Variants in KLHL14 observed in about 807,000 individuals in gnomAD.
The protein encoded by KLHL14 is kelch like family member 14.
A neutral mutation model predicts 64.3 loss-of-function variants in KLHL14; 22 were observed. That is an observed-to-expected ratio of 0.34 (90% CI 0.24 to 0.49). KLHL14 has a LOEUF of 0.49. KLHL14 is among the 20% of genes least tolerant of loss of function. KLHL14 has a pLI of 0.99. For synonymous variants in KLHL14, 322 were observed against 333.4 expected, an observed-to-expected ratio of 0.97 and a Z score of 0.37; for missense variants, 661 against 789.0, an observed-to-expected ratio of 0.84 and a Z score of 1.94.
In KLHL14 at chr18:32,673,237, T is replaced by C. The variant is rs2049794254; in HGVS notation, c.*1420A>G. 1 of 152,616 alleles carries C rather than the reference T, an allele frequency of 6.6e-6. No homozygotes were observed. The highest frequency in any genetic ancestry group is 2.4e-5 in the African/African-American group (1 of 41,454). The allele number at this position is 152,616 out of a possible 1,614,324, so 9.5% of individuals were successfully genotyped here. On this transcript the variant is annotated 3_prime_UTR_variant, in exon 9 of 9. Transcript: ENST00000359358. The stretch of plus-strand genomic sequence containing the variant: ...TGACGTGCTCTGCCATGAAAGCTTA[T>C]CACTAAGGCATTTTTCATCTGTGGG...
rs145717123 is a variant in KLHL14, at chr18:32,708,974, G to T, written c.1070-13422C>A. On this transcript the variant is annotated intron_variant, in intron 3 of 8. Coordinates refer to ENST00000359358, the MANE Select transcript of KLHL14 (RefSeq NM_020805.3). ...TAGACCTTTGCAACAGCCTCCTCAC[G>T]GGTCTCCTTGTTTTCATTCTTGTCC... is the stretch of plus-strand genomic sequence containing the variant. 1.6e-3 allele frequency among the ~76,000 whole-genome samples: 242 copies of T among 152,192 alleles called. 1 individual carries two copies. Among genetic ancestry groups the T allele is most frequent in the African/African-American group, 5.6e-3 (234 of 41,540 alleles).
chr18:32,742,946 TC>T (rs2050206207), intron 2 of KLHL14: 2 of 152,292 alleles, frequency 1.3e-5, no homozygotes, highest in African/African-American at 4.8e-5. Context: ...GCCTGGCAGT[TC>T]CTGAGAAAGG....
chr18:32,701,895 G>A (rs58523554), intron 3 of KLHL14, among the ~76,000 whole-genome samples: 3,589 of 152,290 alleles, frequency 0.024, 152 homozygotes, highest in African/African-American at 0.082. Context: ...TCTTCTAAGT[G>A]AAATTTCTGG....
chr18:32,714,676 G>A (rs142434679), intron 3 of KLHL14, among the ~76,000 whole-genome samples: 12 of 152,228 alleles, frequency 7.9e-5, no homozygotes, highest in African/African-American at 2.9e-4. Context: ...GCAAACACCC[G>A]TTGCTGCTTC....
At chr18:32,688,607 T>G (rs79323518) in intron 4 of KLHL14, among the ~76,000 whole-genome samples, 4,308 of 152,230 alleles carry the variant, frequency 0.028, 196 homozygotes, top group African/African-American at 0.098. Context: ...AGGAAAGAAT[T>G]AAGTCCTTGG....
intron 3 of KLHL14, chr18:32,738,695 T>C (rs1429202265): frequency 1.3e-5 from 2 of 152,106 alleles, no homozygotes; most frequent in African/African-American, 4.8e-5. Context: ...ATCTTTTTGG[T>C]GAGAATAATT....
intron 2 of KLHL14, among the ~76,000 whole-genome samples, chr18:32,751,160 T>G (rs1400298063): frequency 6.6e-6 from 1 of 152,184 alleles, no homozygotes; most frequent in Non-Finnish European, 1.5e-5. Flanking sequence ...AAGGAGGCTT[T>G]GAAAGGCAGC....
chr18:32,693,413 CAGAGAGAGAGAGAGAG>C (rs56135629), intron 4 of KLHL14, among the ~76,000 whole-genome samples: 2 of 97,020 alleles, frequency 2.1e-5, no homozygotes, highest in Non-Finnish European at 3.9e-5. Context: ...CACACACACA[CAGAGAGAGAGAGAGAG>C]AGAGAGAGAG....
At chr18:32,731,579 T>C (rs1393275444) in intron 3 of KLHL14, among the ~76,000 whole-genome samples, 1 of 152,148 alleles carries the variant, frequency 6.6e-6, no homozygotes, top group Admixed American at 6.5e-5. Flanking sequence ...TACTGTGACA[T>C]GTATTTATAT....
At chr18:32,771,373 T>C (rs113012489) in intron 1 of KLHL14, among the ~76,000 whole-genome samples, 1 of 152,206 alleles carries the variant, frequency 6.6e-6, no homozygotes, top group African/African-American at 2.4e-5. Flanking sequence ...GCTGTCCTTA[T>C]CAATTCGAGC....
intron 2 of KLHL14, among the ~76,000 whole-genome samples, chr18:32,748,558 A>G (rs558986344): frequency 5.1e-4 from 77 of 151,450 alleles, no homozygotes; most frequent in African/African-American, 1.8e-3. Context: ...TTTAGTAGAG[A>G]CTGGGTTTCA....
intron 3 of KLHL14, among the ~76,000 whole-genome samples, chr18:32,703,297 A>G (rs547840174): frequency 5.8e-4 from 88 of 152,352 alleles, no homozygotes; most frequent in African/African-American, 2.0e-3. Context: ...AATAGCACGA[A>G]TGACTGAATG....
At chr18:32,753,306 CCTGT>C (rs1269961586) in intron 2 of KLHL14, among the ~76,000 whole-genome samples, 2 of 152,146 alleles carry the variant, frequency 1.3e-5, no homozygotes, top group African/African-American at 4.8e-5. Flanking sequence ...TCTGCCACTT[CCTGT>C]CTGTGTGACC....
At chr18:32,762,759 A>C (rs1262622384) in intron 2 of KLHL14, among the ~76,000 whole-genome samples, 1 of 152,126 alleles carries the variant, frequency 6.6e-6, no homozygotes. Context: ...TAATGCCTGT[A>C]TTGTGAATTA....
intron 2 of KLHL14, among the ~76,000 whole-genome samples, 170 bp downstream of exon 2, chr18:32,769,475 T>C (rs551453451): frequency 6.6e-6 from 1 of 152,316 alleles, no homozygotes; most frequent in East Asian, 1.9e-4. Context: ...TTTCAGGGAC[T>C]CTGAAATCAA....
At chr18:32,688,172 T>C (rs1360389209) in intron 4 of KLHL14, among the ~76,000 whole-genome samples, 1 of 152,220 alleles carries the variant, frequency 6.6e-6, no homozygotes, top group Non-Finnish European at 1.5e-5. Context: ...CTAGAGGACT[T>C]GAAGCCTTAA....
intron 3 of KLHL14, among the ~76,000 whole-genome samples, chr18:32,739,215 T>C (rs2144527756): frequency 6.6e-6 from 1 of 152,232 alleles, no homozygotes; most frequent in Middle Eastern, 3.4e-3. Flanking sequence ...TAGTTTGGTA[T>C]TTCTTCTGGG....
In KLHL14 at chr18:32,672,676, G is replaced by C. The variant is rs1167595929; in HGVS notation, c.*1981C>G. The stretch of plus-strand genomic sequence containing the variant: ...TAGGATATGAGAGACAGTTGAATTA[G>C]TACATAAAGTTTTTATTTAAAGTTT... On this transcript the variant is annotated 3_prime_UTR_variant, in exon 9 of 9. Coordinates refer to ENST00000359358, the MANE Select transcript of KLHL14 (RefSeq NM_020805.3). The C allele has an allele frequency of 1.3e-5, 2 of 152,572 alleles. No homozygotes were observed. The allele number at this position is 152,572 out of a possible 1,614,324, so 9.5% of individuals were successfully genotyped here.
At chr18:32,698,722 G>A (rs866209026) in intron 3 of KLHL14, among the ~76,000 whole-genome samples, 2 of 152,104 alleles carry the variant, frequency 1.3e-5, no homozygotes, top group Non-Finnish European at 1.5e-5. Flanking sequence ...CAAACAGGTA[G>A]TGCTAGGAGA....
Sources: gnomAD v4.1 joint callset for allele counts (sites outside exome capture counted in the v4.1 genomes callset) on GRCh38, gnomAD v4.1.1 for gene constraint, MANE v1.5 for transcripts, NCBI Gene and HGNC (gene_info 2026-07-23, HGNC 2026-07-21) for gene names.